The following LCOR variants were observed in gnomAD, a reference collection of about 807,000 sequenced individuals.
The protein encoded by LCOR is ligand-dependent corepressor.
In LCOR, 14 loss-of-function variants were observed where a neutral mutation model predicts 64.4. The ratio of observed to expected loss-of-function variants is 0.22; its 90% CI spans 0.14 to 0.34. The LOEUF is 0.34. Ranked by LOEUF, LCOR falls within the 10% of genes least tolerant of loss-of-function variation. The probability of loss-of-function intolerance (pLI) is 1.00; values close to 1 mark genes in which losing one functional copy is unlikely to be tolerated. For missense variants in LCOR, 1,686 were observed against 1,765.3 expected (o/e 0.96, Z 0.80); for synonymous variants, 643 against 642.5 (o/e 1.00, Z -0.01).
At chr10:96,928,293 A>C (rs1847201546) in intron 4 of LCOR, among the ~76,000 whole-genome samples, 1 of 152,214 alleles carries the variant, frequency 6.6e-6, no homozygotes, top group Non-Finnish European at 1.5e-5. Flanking sequence ...AAGTTTGCTT[A>C]ATATTCTATA....
At chr10:96,860,705 T>G (rs1455371295) in intron 2 of LCOR, among the ~76,000 whole-genome samples, 1 of 152,234 alleles carries the variant, frequency 6.6e-6, no homozygotes, top group Non-Finnish European at 1.5e-5. Flanking sequence ...CCGGTGGATA[T>G]CTTCAGAAAA....
chr10:96,839,415 CAAGAA>C, intron 2 of LCOR, among the ~76,000 whole-genome samples: 1 of 152,212 alleles, frequency 6.6e-6, no homozygotes, highest in African/African-American at 2.4e-5. Flanking sequence ...ATAGAATTCT[CAAGAA>C]AAGCCAGGTG....
Position 96,983,340 on chromosome 10 carries a change from T to C in LCOR, c.2880T>C (p.His960=), listed in dbSNP as rs929847923. 1 of 1,614,188 alleles carries C rather than the reference T, an allele frequency of 6.2e-7. No homozygotes were observed. The highest frequency in any genetic ancestry group is 8.5e-7 in the Non-Finnish European group (1 of 1,180,038). The change falls in exon 8 of 8, where the codon CAT becomes CAC. Residue 960 remains histidine (H), a synonymous_variant. Coordinates refer to ENST00000421806, the MANE Select transcript of LCOR (RefSeq NM_001346516.2). The surrounding 1 kb of genome is among the most constrained non-coding windows in gnomAD (Gnocchi z 4.5). ...CTAAAATGGATGAGAAGAATGCTCA[T>C]ATCCCCTCAGAAAGTATTGCTTGTA... The part of the protein sequence containing the change: ...VQSKMDEKNA[H]IPSESIACKR...
chr10:96,897,711 A>G (rs549199333), intron 2 of LCOR, among the ~76,000 whole-genome samples: 8 of 151,920 alleles, frequency 5.3e-5, no homozygotes, highest in South Asian at 2.1e-4. Flanking sequence ...TTTTATTTCT[A>G]TCTTCACTAT....
intron 2 of LCOR, among the ~76,000 whole-genome samples, chr10:96,856,779 T>A (rs1444117003): frequency 3.3e-5 from 5 of 151,852 alleles, no homozygotes; most frequent in African/African-American, 1.2e-4. Flanking sequence ...GCCCAGCTAA[T>A]ACTGTTTTTT....
chr10:96,961,707 G>C (rs1479008743), intron 7 of LCOR: 1 of 151,830 alleles, frequency 6.6e-6, no homozygotes, highest in African/African-American at 2.4e-5. Context: ...CTAGGGGTGG[G>C]GGGTTGGGGG....
intron 7 of LCOR, among the ~76,000 whole-genome samples, chr10:96,965,133 C>T (rs1043020497): frequency 2.0e-5 from 3 of 151,602 alleles, no homozygotes; most frequent in South Asian, 2.1e-4. Flanking sequence ...CTCAACCTCC[C>T]GAGTAGCTGG....
In LCOR at chr10:96,862,890, T is replaced by TA. The variant is rs558725919; in HGVS notation, c.-330+29411_-330+29412insA. On this transcript the variant is annotated intron_variant, in intron 2 of 7. Transcript: ENST00000421806. ...TTTTCTTTCTTTTCTTTTCTTTTTT[T>TA]TTTTTTTGAAACAGAGTTTTGCCCT... Among the ~76,000 whole-genome samples, 59 of 152,042 alleles carry TA rather than the reference T, an allele frequency of 3.9e-4. 1 individual carries two copies. The South Asian group carries it at 0.01, about 27-fold the overall frequency.
At chr10:96,873,208 A>G (rs148551132) in intron 2 of LCOR, among the ~76,000 whole-genome samples, 5 of 152,284 alleles carry the variant, frequency 3.3e-5, no homozygotes, top group Admixed American at 3.3e-4. Context: ...CATTGGTACC[A>G]TGAAGTAAAT....
chr10:96,927,607 A>G (rs1303533308), intron 4 of LCOR, among the ~76,000 whole-genome samples: 1 of 152,034 alleles, frequency 6.6e-6, no homozygotes, highest in Non-Finnish European at 1.5e-5. Flanking sequence ...TTATATTTTG[A>G]TCTCTGATCC....
chr10:96,886,410 G>T (rs192196777), intron 2 of LCOR, among the ~76,000 whole-genome samples: 1 of 152,148 alleles, frequency 6.6e-6, no homozygotes, highest in Middle Eastern at 3.2e-3. Context: ...GATCATGACC[G>T]TGCTAAAAAA....
chr10:96,948,919 AAAAAT>A, intron 5 of LCOR, 84 bp from the exon 6 acceptor site: 1 of 1,030,114 alleles, frequency 9.7e-7, no homozygotes. Context: ...GCATTTTAAG[AAAAAT>A]AAAATGAAAT....
chr10:96,874,521 A>T (rs1282465985), intron 2 of LCOR, among the ~76,000 whole-genome samples: 1 of 152,168 alleles, frequency 6.6e-6, no homozygotes, highest in Non-Finnish European at 1.5e-5. Context: ...TTATGCCAGT[A>T]ACTGACCGAG....
At chr10:96,949,431 C>A in intron 6 of LCOR, 136 bp downstream of exon 6, 1 of 834,612 alleles carries the variant, frequency 1.2e-6, no homozygotes, top group Non-Finnish European at 1.9e-6. Context: ...TTATTTCTTA[C>A]TATGCAGTGA....
intron 2 of LCOR, among the ~76,000 whole-genome samples, chr10:96,839,271 G>A (rs963034851): frequency 2.0e-5 from 3 of 152,156 alleles, no homozygotes; most frequent in Admixed American, 6.6e-5. Flanking sequence ...TACAGTGTAT[G>A]CTTTGCAGAT....
intron 4 of LCOR, among the ~76,000 whole-genome samples, chr10:96,934,725 C>T (rs1013790400): frequency 1.3e-5 from 2 of 152,184 alleles, no homozygotes; most frequent in Non-Finnish European, 2.9e-5. Flanking sequence ...CCTCAGCCTC[C>T]TGAGTAGCTG....
At chr10:96,846,690 A>G (rs552520619) in intron 2 of LCOR, among the ~76,000 whole-genome samples, 2 of 152,304 alleles carry the variant, frequency 1.3e-5, no homozygotes, top group East Asian at 3.9e-4. Flanking sequence ...TTTTCATTGT[A>G]TAGTTTTTAT....
At chr10:96,846,911 T>C (rs576631194) in intron 2 of LCOR, among the ~76,000 whole-genome samples, 1 of 152,204 alleles carries the variant, frequency 6.6e-6, no homozygotes, top group South Asian at 2.1e-4. Flanking sequence ...TTAGTACATT[T>C]TATTGGTGAA....
rs376966258 is a variant in LCOR, at chr10:96,984,120, C to T, written c.3660C>T (p.Tyr1220=). The T allele has an allele frequency of 2.5e-6, 4 of 1,614,152 alleles. No individual in the cohort carries two copies. Among genetic ancestry groups the T allele is most frequent in the East Asian group, 4.5e-5 (2 of 44,880 alleles). Residue 1220 remains tyrosine (Y), a synonymous_variant, in exon 8 of 8, where the codon TAC becomes TAT. Transcript: ENST00000421806. ...CTGTCAAGCATCCTCTTCAGAAATACGCTCCTTCCAGCCTATATCCCAGTT... is the reference window on the plus strand; with the variant it reads ...CTGTCAAGCATCCTCTTCAGAAATATGCTCCTTCCAGCCTATATCCCAGTT... ...VPPVKHPLQK[Y]APSSLYPSSL... is the part of the protein sequence containing the mutation.
Sources: allele counts gnomAD v4.1 joint callset (sites outside exome capture counted in the v4.1 genomes callset), GRCh38; gene constraint gnomAD v4.1.1; non-coding constraint Gnocchi (gnomAD v3.1); transcripts MANE v1.5; gene names NCBI Gene and HGNC (gene_info 2026-07-23, HGNC 2026-07-21).